FSTL4: variants seen among roughly 807,000 people sequenced by gnomAD.
FSTL4 encodes follistatin like 4.
FSTL4 carries 28 observed loss-of-function variants against 78.2 expected under a neutral mutation model. The observed-to-expected ratio is 0.36, with a 90% CI of 0.27 to 0.49. FSTL4 has a LOEUF of 0.49. Ranked by LOEUF, FSTL4 falls within the 20% of genes least tolerant of loss-of-function variation. The probability of loss-of-function intolerance (pLI) is 0.98; values close to 1 mark genes in which losing one functional copy is unlikely to be tolerated. For synonymous variants in FSTL4, 422 were observed against 440.5 expected (o/e 0.96, Z 0.53); for missense variants, 922 against 1,084.9 (o/e 0.85, Z 2.11).
intron 3 of FSTL4, among the ~76,000 whole-genome samples, chr5:133,540,926 A>G (rs945042494): frequency 6.6e-5 from 10 of 151,948 alleles, no homozygotes; most frequent in East Asian, 3.9e-4. Context: ...TTCTTGGAAC[A>G]TTTTCCTCCC....
At chr5:133,339,036 C>G (rs745387654) in intron 4 of FSTL4, among the ~76,000 whole-genome samples, 1 of 152,172 alleles carries the variant, frequency 6.6e-6, no homozygotes, top group East Asian at 1.9e-4. Context: ...AGCCAGGCAG[C>G]GCCCTCCCTG....
At chr5:133,296,853 C>T (rs1753407925) in intron 6 of FSTL4, among the ~76,000 whole-genome samples, 1 of 152,244 alleles carries the variant, frequency 6.6e-6, no homozygotes, top group Non-Finnish European at 1.5e-5. Context: ...CAGCCTAGAA[C>T]AGCTCCTGCC....
At chr5:133,717,809 C>T in the FSTL4 span, among the ~76,000 whole-genome samples, 1 of 152,200 alleles carries the variant, frequency 6.6e-6, no homozygotes. Flanking sequence ...ACCATACTGT[C>T]TATTCATTTA....
At chr5:133,465,867 C>T (rs1310066750) in intron 3 of FSTL4, among the ~76,000 whole-genome samples, 1 of 152,198 alleles carries the variant, frequency 6.6e-6, no homozygotes, top group Admixed American at 6.5e-5. Flanking sequence ...ACTGGATTTC[C>T]AAGTGATTTT....
At chr5:133,304,892 C>A (rs561144040) in intron 6 of FSTL4, among the ~76,000 whole-genome samples, 11 of 152,220 alleles carry the variant, frequency 7.2e-5, no homozygotes, top group African/African-American at 2.7e-4. Context: ...ATTCCTGCCA[C>A]CCCTGTTCCT....
At chr5:133,627,766 T>C in the FSTL4 span, among the ~76,000 whole-genome samples, 1 of 152,108 alleles carries the variant, frequency 6.6e-6, no homozygotes, top group African/African-American at 2.4e-5. Flanking sequence ...TACCATTTTA[T>C]TTTTTGTTCT....
chr5:133,406,174 C>T (rs199632785), intron 3 of FSTL4, among the ~76,000 whole-genome samples: 1 of 152,206 alleles, frequency 6.6e-6, no homozygotes, highest in African/African-American at 2.4e-5. Flanking sequence ...AGACCTGAGA[C>T]CTGACGGTGA....
At chr5:133,421,074 G>A (rs752337340) in intron 3 of FSTL4, among the ~76,000 whole-genome samples, 1 of 152,156 alleles carries the variant, frequency 6.6e-6, no homozygotes, top group African/African-American at 2.4e-5. Context: ...ACAGTGACCT[G>A]GTCACATTGA....
the FSTL4 span, among the ~76,000 whole-genome samples, chr5:133,684,337 G>A: frequency 6.6e-6 from 1 of 152,170 alleles, no homozygotes; most frequent in Non-Finnish European, 1.5e-5. Flanking sequence ...GTGCAGAGGG[G>A]AGAGCACCCG....
intron 3 of FSTL4, among the ~76,000 whole-genome samples, chr5:133,429,207 A>G (rs886615055): frequency 6.6e-6 from 1 of 152,152 alleles, no homozygotes; most frequent in Non-Finnish European, 1.5e-5. Flanking sequence ...AGCCCATGGA[A>G]TCATGAATGC....
chr5:133,452,575 C>T (rs922236900), intron 3 of FSTL4, among the ~76,000 whole-genome samples: 3 of 152,254 alleles, frequency 2.0e-5, no homozygotes, highest in Non-Finnish European at 2.9e-5. Context: ...CATGTATTAA[C>T]TCATTTAATC....
At chr5:133,345,507 T>C (rs1467152568) in intron 4 of FSTL4, among the ~76,000 whole-genome samples, 2 of 152,258 alleles carry the variant, frequency 1.3e-5, no homozygotes, top group Non-Finnish European at 2.9e-5. Context: ...CATGCCTACA[T>C]CGTGAATGGT....
chr5:133,626,941 A>AT, the FSTL4 span, among the ~76,000 whole-genome samples: 1 of 151,660 alleles, frequency 6.6e-6, no homozygotes, highest in Admixed American at 6.6e-5. Flanking sequence ...ACCTTTGCTG[A>AT]TTTTCTATCT....
At chr5:133,204,149 G>T (rs1750417919) in intron 14 of FSTL4, among the ~76,000 whole-genome samples, 1 of 152,218 alleles carries the variant, frequency 6.6e-6, no homozygotes, top group Non-Finnish European at 1.5e-5. Context: ...GTGGAGGGGT[G>T]GGAGAGAACA....
chr5:133,255,583 A>G (rs1012567978), intron 6 of FSTL4, among the ~76,000 whole-genome samples: 3 of 152,238 alleles, frequency 2.0e-5, no homozygotes, highest in African/African-American at 4.8e-5. Context: ...TCTGGTGCCT[A>G]GCACAAGGCA....
At chr5:133,247,755 C>T (rs1561642049) in intron 7 of FSTL4, 1 of 152,272 alleles carries the variant, frequency 6.6e-6, no homozygotes, top group Non-Finnish European at 1.5e-5. Context: ...GTATAGGATA[C>T]TGGCTATGTT....
At chr5:133,582,439 C>A (rs900343126) in intron 2 of FSTL4, among the ~76,000 whole-genome samples, 2 of 152,276 alleles carry the variant, frequency 1.3e-5, no homozygotes, top group East Asian at 3.9e-4. Flanking sequence ...TAGCTGCTGT[C>A]CACTTGCCAA....
intron 3 of FSTL4, among the ~76,000 whole-genome samples, chr5:133,499,766 A>C (rs1360291618): frequency 6.6e-6 from 1 of 152,156 alleles, no homozygotes; most frequent in East Asian, 1.9e-4. Context: ...GAAGTCCTTG[A>C]GGCAGCAATG....
At chr5:133,278,317 ACT>A (rs1264206510) in intron 6 of FSTL4, among the ~76,000 whole-genome samples, 1 of 151,768 alleles carries the variant, frequency 6.6e-6, no homozygotes. Flanking sequence ...GCCCTGTGTA[ACT>A]CTCTCAGCTC....
Sources: allele counts gnomAD v4.1 joint callset (sites outside exome capture counted in the v4.1 genomes callset), GRCh38; gene constraint gnomAD v4.1.1; transcripts MANE v1.5; gene names NCBI Gene and HGNC (gene_info 2026-07-23, HGNC 2026-07-21).